FSTL5: variants seen among roughly 807,000 people sequenced by gnomAD.
FSTL5 encodes follistatin-related protein 5.
In FSTL5, 62 loss-of-function variants were observed where a neutral mutation model predicts 89.1. That is an observed-to-expected ratio of 0.70 (90% CI 0.57 to 0.86). The LOEUF (loss-of-function observed/expected upper bound fraction) is 0.86. Among genes scored for constraint, FSTL5 ranks in the 40% least tolerant of loss-of-function variants. The probability of loss-of-function intolerance (pLI) is 0.00; values close to 1 mark genes in which losing one functional copy is unlikely to be tolerated. For missense variants in FSTL5, 1,057 were observed against 1,001.6 expected (o/e 1.06, Z -0.75); for synonymous variants, 383 against 346.2 (o/e 1.11, Z -1.18).
chr4:161,863,486 A>G (rs1019912815), intron 4 of FSTL5, among the ~76,000 whole-genome samples: 4 of 152,302 alleles, frequency 2.6e-5, no homozygotes, highest in Admixed American at 2.6e-4. Flanking sequence ...CAACAGAAAT[A>G]GAGAACATTG....
intron 4 of FSTL5, among the ~76,000 whole-genome samples, chr4:161,852,472 T>G (rs1374216887): frequency 1.3e-5 from 2 of 152,116 alleles, no homozygotes; most frequent in Non-Finnish European, 2.9e-5. Flanking sequence ...CTGATTCTGG[T>G]GAAGTGGTGG....
chr4:162,031,164 T>C (rs1454441961), intron 3 of FSTL5, among the ~76,000 whole-genome samples: 1 of 152,158 alleles, frequency 6.6e-6, no homozygotes, highest in Non-Finnish European at 1.5e-5. Context: ...TATGTGTTAA[T>C]AAAAGTTCAG....
At chr4:162,071,602 G>T (rs1232758524) in intron 2 of FSTL5, among the ~76,000 whole-genome samples, 1 of 151,670 alleles carries the variant, frequency 6.6e-6, no homozygotes, top group Non-Finnish European at 1.5e-5. Context: ...CAGATAATCA[G>T]CATAGAAACC....
intron 1 of FSTL5, among the ~76,000 whole-genome samples, chr4:162,133,148 A>G (rs988641870): frequency 2.0e-5 from 3 of 152,156 alleles, no homozygotes; most frequent in Non-Finnish European, 4.4e-5. Context: ...ACGGGGTTTC[A>G]CTGTGTTAGC....
chr4:161,824,880 T>C (rs1166823804), intron 4 of FSTL5, among the ~76,000 whole-genome samples: 5 of 151,962 alleles, frequency 3.3e-5, no homozygotes, highest in African/African-American at 9.7e-5. Context: ...TGGATGCCCT[T>C]TATTTCTTTC....
intron 1 of FSTL5, among the ~76,000 whole-genome samples, chr4:162,142,743 C>A (rs1732797283): frequency 6.6e-6 from 1 of 152,206 alleles, no homozygotes; most frequent in East Asian, 1.9e-4. Flanking sequence ...TAAAAGATGA[C>A]AGAACAAGCA....
chr4:161,569,059 T>C (rs1732914504), intron 8 of FSTL5, among the ~76,000 whole-genome samples: 1 of 152,170 alleles, frequency 6.6e-6, no homozygotes, highest in Non-Finnish European at 1.5e-5. Context: ...GATTATATAT[T>C]GTATTATATT....
chr4:162,115,799 C>T (rs1337609925), intron 1 of FSTL5, among the ~76,000 whole-genome samples: 2 of 152,282 alleles, frequency 1.3e-5, no homozygotes, highest in South Asian at 4.1e-4. Context: ...ATTTTCTCCG[C>T]ATGGCAAAAC....
chr4:161,770,029 C>T (rs1288007050), intron 5 of FSTL5, among the ~76,000 whole-genome samples: 1 of 151,836 alleles, frequency 6.6e-6, no homozygotes, highest in Non-Finnish European at 1.5e-5. Context: ...TAGCATTTAG[C>T]CATAAAAAAG....
intron 11 of FSTL5, among the ~76,000 whole-genome samples, chr4:161,506,502 G>T (rs1349268184): frequency 6.6e-6 from 1 of 152,118 alleles, no homozygotes; most frequent in Admixed American, 6.5e-5. Context: ...GTGGCGATTT[G>T]TAAGATTTTG....
At chr4:161,778,845 A>T (rs7687422) in intron 4 of FSTL5, among the ~76,000 whole-genome samples, 111,693 of 152,112 alleles carry the variant, frequency 0.73, 41,062 homozygotes, top group Non-Finnish European at 0.76. Flanking sequence ...TATTTATCTG[A>T]GTGCACAGGT....
chr4:161,997,761 C>T (rs1308844929), intron 3 of FSTL5, among the ~76,000 whole-genome samples: 1 of 148,782 alleles, frequency 6.7e-6, no homozygotes, highest in African/African-American at 2.5e-5. Flanking sequence ...CCCGCCACCA[C>T]GCCCGGCTAA....
chr4:161,855,616 G>T (rs1057021852), intron 4 of FSTL5, among the ~76,000 whole-genome samples: 12 of 151,978 alleles, frequency 7.9e-5, no homozygotes, highest in African/African-American at 2.9e-4. Context: ...TACAGAAAAG[G>T]TAAGAAAATC....
intron 6 of FSTL5, among the ~76,000 whole-genome samples, chr4:161,686,127 T>G (rs1411091400): frequency 6.6e-6 from 1 of 151,220 alleles, no homozygotes; most frequent in Admixed American, 6.6e-5. Context: ...ATGGATTAAT[T>G]TTTTGATATG....
chr4:161,822,997 G>A (rs1164076220), intron 4 of FSTL5, among the ~76,000 whole-genome samples: 1 of 152,190 alleles, frequency 6.6e-6, no homozygotes, highest in Non-Finnish European at 1.5e-5. Flanking sequence ...CCTCTCAGCA[G>A]AGAAGAGACC....
chr4:161,751,067 C>T (rs1740375215), intron 6 of FSTL5, among the ~76,000 whole-genome samples: 2 of 151,796 alleles, frequency 1.3e-5, no homozygotes, highest in South Asian at 4.2e-4. Context: ...GCAAAATGTA[C>T]CAGTTAGAGA....
chr4:161,590,823 A>T (rs1051754789), intron 7 of FSTL5, among the ~76,000 whole-genome samples: 3 of 152,206 alleles, frequency 2.0e-5, no homozygotes, highest in Admixed American at 2.0e-4. Context: ...TCTGCTTTGG[A>T]TAACAGTTTG....
intron 1 of FSTL5, among the ~76,000 whole-genome samples, chr4:162,161,960 T>C (rs898778843): frequency 1.3e-5 from 2 of 152,072 alleles, no homozygotes. Flanking sequence ...TTTTATATAT[T>C]CTTTTTTGCC....
At chr4:161,402,197 T>C (rs1731202890) in intron 15 of FSTL5, among the ~76,000 whole-genome samples, 1 of 152,154 alleles carries the variant, frequency 6.6e-6, no homozygotes, top group African/African-American at 2.4e-5. Context: ...TTCAGATGCA[T>C]CATTTGCAAC....
Sources: allele counts gnomAD v4.1 joint callset (sites outside exome capture counted in the v4.1 genomes callset), GRCh38; gene constraint gnomAD v4.1.1; transcripts MANE v1.5; gene names NCBI Gene and HGNC (gene_info 2026-07-23, HGNC 2026-07-21).